The following AMACR variants were observed in gnomAD, a reference collection of about 807,000 sequenced individuals.
The protein encoded by AMACR is 2-methylacyl-CoA racemase.
In AMACR, 18 loss-of-function variants were observed where a neutral mutation model predicts 22.2. The ratio of observed to expected loss-of-function variants is 0.81; its 90% CI spans 0.56 to 1.20. The LOEUF is 1.20. Among genes scored for constraint, AMACR ranks in the 50% most tolerant of loss-of-function variants. The pLI is 0.00. For missense variants in AMACR, 499 were observed against 490.6 expected (o/e 1.02, Z -0.16); for synonymous variants, 213 against 191.3 (o/e 1.11, Z -0.94).
intron 3 of AMACR, among the ~76,000 whole-genome samples, chr5:34,002,725 T>G (rs926794040): frequency 6.6e-6 from 1 of 152,230 alleles, no homozygotes; most frequent in African/African-American, 2.4e-5. Flanking sequence ...GGTCTTGAGT[T>G]TGGCGGGTAC....
chr5:33,997,017 G>A lies in AMACR; in HGVS notation c.739+1624C>T, dbSNP rs183181493. The A allele has an allele frequency of 8.5e-4, 541 of 639,710 alleles. 1 individual carries two copies. The African/African-American group carries it at 9.0e-3, about 11-fold the overall frequency. 39.6% of individuals were successfully genotyped at this position (639,710 alleles called of 1,614,324 possible). On this transcript the variant is annotated intron_variant, in intron 4 of 4. Coordinates refer to ENST00000335606, the MANE Select transcript of AMACR (RefSeq NM_014324.6). ...CCAGTATTTTTTTTTAATTTTACACGTTTATTTTCATTAAAACTTATTTAA... is the reference window on the plus strand; with the variant it reads ...CCAGTATTTTTTTTTAATTTTACACATTTATTTTCATTAAAACTTATTTAA...
At chr5:33,994,806 C>T (rs1753589179) in intron 4 of AMACR, among the ~76,000 whole-genome samples, 1 of 152,056 alleles carries the variant, frequency 6.6e-6, no homozygotes, top group Non-Finnish European at 1.5e-5. Context: ...CAGAAGAATA[C>T]CCAGGAGAAG....
At chr5:34,007,047 CTG>C (rs747648842) in intron 1 of AMACR, among the ~76,000 whole-genome samples, 10 of 152,316 alleles carry the variant, frequency 6.6e-5, no homozygotes, top group Middle Eastern at 3.4e-3. Context: ...GAAAGGAAGA[CTG>C]GAGTCCATGA....
Position 33,989,341 on chromosome 5 carries a change from C to T in AMACR, c.901G>A (p.Glu301Lys). The T allele has an allele frequency of 6.2e-7, 1 of 1,614,150 alleles. No individual in the cohort carries two copies. ...DACVTPVLTFEEVVHHDHNKE... is the reference protein window; with the variant it reads ...DACVTPVLTFKEVVHHDHNKE... Reference sequence around the variant, plus strand: ...TTGTGATCATGATGAACAACCTCCTCAAAAGTCAGAACCGGAGTCACACAG... The same window carrying T: ...TTGTGATCATGATGAACAACCTCCTTAAAAGTCAGAACCGGAGTCACACAG... The change falls in exon 5 of 5, where the codon GAG (glutamate) becomes AAG (lysine). Residue 301 changes from glutamate to lysine, a missense_variant. Glu to Lys is a moderately conservative substitution (Grantham distance 56, BLOSUM62 1). Transcript: ENST00000335606.
chr5:33,988,231 G>C lies in AMACR; in HGVS notation c.*862C>G. The C allele has an allele frequency of 7.8e-7, 1 of 1,285,394 alleles. No individual in the cohort carries two copies. Among genetic ancestry groups the C allele is most frequent in the Non-Finnish European group, 1.1e-6 (1 of 930,660 alleles). The allele number at this position is 1,285,394 out of a possible 1,614,324, so 79.6% of individuals were successfully genotyped here. A position where few individuals can be genotyped will look rare whatever the true frequency, so the allele number is the denominator to read the frequency against. ...AGACAATCCCGTCTTCTTTGTCAAA[G>C]ACAGGTATAAGAAAGGCTTGTAACT... is the stretch of plus-strand genomic sequence containing the variant. On this transcript the variant is annotated 3_prime_UTR_variant, in exon 5 of 5. Transcript: ENST00000335606.
intron 4 of AMACR, among the ~76,000 whole-genome samples, chr5:33,991,311 C>T (rs1389161654): frequency 4.6e-5 from 7 of 152,162 alleles, no homozygotes; most frequent in Admixed American, 3.9e-4. Flanking sequence ...TGACCAAGGC[C>T]ACAGGATTAA....
rs1579567601 is a variant in AMACR, at chr5:33,986,838, T to G, written c.*2255A>C. 1.3e-5 allele frequency: 2 copies of G among 152,238 alleles called. No individual in the cohort carries two copies. The highest frequency in any genetic ancestry group is 3.8e-4 in the East Asian group (2 of 5,198). 9.4% of individuals were successfully genotyped at this position (152,238 alleles called of 1,614,324 possible). A position where few individuals can be genotyped will look rare whatever the true frequency, so the allele number is the denominator to read the frequency against. ...AGGAGTGGTCTTGGCTTCCTAGTTA[T>G]GTTCCTATCAGGGTTGCCTCACTAT... On this transcript the variant is annotated 3_prime_UTR_variant, in exon 5 of 5. Transcript: ENST00000335606.
intron 3 of AMACR, among the ~76,000 whole-genome samples, chr5:34,003,067 C>T (rs1440013917): frequency 6.6e-6 from 1 of 152,236 alleles, no homozygotes; most frequent in Non-Finnish European, 1.5e-5. Context: ...TATCCACCAA[C>T]ATTTGACCCT....
chr5:34,004,056 G>A (rs1304741500), intron 3 of AMACR, among the ~76,000 whole-genome samples: 2 of 152,182 alleles, frequency 1.3e-5, no homozygotes, highest in Non-Finnish European at 2.9e-5. Context: ...GCACTCAGTG[G>A]ATGACAGTGA....
chr5:33,991,450 G>A (rs1422766765), intron 4 of AMACR, among the ~76,000 whole-genome samples: 1 of 152,110 alleles, frequency 6.6e-6, no homozygotes, highest in Non-Finnish European at 1.5e-5. Flanking sequence ...AGCTGTTATG[G>A]TACAATCACT....
chr5:33,997,738 C>CAAATATT, intron 4 of AMACR: 1 of 556,034 alleles, frequency 1.8e-6, no homozygotes, highest in Non-Finnish European at 3.2e-6. Flanking sequence ...TATAGTTTTT[C>CAAATATT]CAACTATATT....
intron 2 of AMACR, 87 bp from the exon 3 acceptor site, chr5:34,004,821 A>G: frequency 1.4e-6 from 2 of 1,447,082 alleles, no homozygotes; most frequent in Non-Finnish European, 1.9e-6. Context: ...GGAATAATCA[A>G]TCTCTCCAGC....
chr5:33,996,934 CA>C (rs1753655068), intron 4 of AMACR: 1 of 502,882 alleles, frequency 2.0e-6, no homozygotes, highest in East Asian at 3.2e-5. Flanking sequence ...ATAACAAGCC[CA>C]GGACTGAGGG....
chr5:33,991,726 T>TTTATTATTATTATTATTATTATTATTA (rs60157743), intron 4 of AMACR, among the ~76,000 whole-genome samples: 9 of 145,200 alleles, frequency 6.2e-5, no homozygotes, highest in African/African-American at 2.0e-4. Flanking sequence ...TAAACACTAT[T>TTTATTATTATTATTATTATTATTATTA]TTATTATTAT....
At chr5:33,999,687 A>G (rs1454566301) in intron 3 of AMACR, among the ~76,000 whole-genome samples, 2 of 152,264 alleles carry the variant, frequency 1.3e-5, no homozygotes, top group Non-Finnish European at 2.9e-5. Context: ...CTACCAATAG[A>G]GCAGGCCTCA....
At chr5:33,991,726 T>TTTTTTATTATTATTATTA (rs138912654) in intron 4 of AMACR, among the ~76,000 whole-genome samples, 5 of 145,200 alleles carry the variant, frequency 3.4e-5, no homozygotes, top group African/African-American at 1.3e-4. Flanking sequence ...TAAACACTAT[T>TTTTTTATTATTATTATTA]TTATTATTAT....
At chr5:34,007,029 T>C (rs937456182) in intron 1 of AMACR, among the ~76,000 whole-genome samples, 2 of 152,154 alleles carry the variant, frequency 1.3e-5, no homozygotes, top group Non-Finnish European at 2.9e-5. Context: ...ATCATTGAAA[T>C]TGGATGTGAA....
At position 34,004,343 on chromosome 5, in the gene AMACR, C is replaced by T. The variant is rs575371496; in HGVS notation, c.552+231G>A. On this transcript the variant is annotated intron_variant, in intron 3 of 4. Coordinates refer to ENST00000335606, the MANE Select transcript of AMACR (RefSeq NM_014324.6). ...AAAACAACGTAGGAATCACATGAGTCACAGAAAGTTCAGAGAACTGACTCC... is the reference window on the plus strand; with the variant it reads ...AAAACAACGTAGGAATCACATGAGTTACAGAAAGTTCAGAGAACTGACTCC... Among the ~76,000 whole-genome samples the T allele has an allele frequency of 4.6e-5, 7 of 152,298 alleles. No homozygotes were observed. The South Asian group carries it at 1.5e-3, about 32-fold the overall frequency.
intron 4 of AMACR, 39 bp downstream of exon 4, chr5:33,998,602 C>T (rs769222146): frequency 1.3e-6 from 2 of 1,558,674 alleles, no homozygotes; most frequent in East Asian, 2.3e-5. Flanking sequence ...ACATCCACAG[C>T]AAAAGGGGAA....
Sources: gnomAD v4.1 joint callset for allele counts (sites outside exome capture counted in the v4.1 genomes callset) on GRCh38, gnomAD v4.1.1 for gene constraint, MANE v1.5 for transcripts, NCBI Gene and HGNC (gene_info 2026-07-23, HGNC 2026-07-21) for gene names.